Variants in RHPN1 observed in about 807,000 individuals in gnomAD.
RHPN1 encodes the protein rhophilin-1.
RHPN1 carries 77 observed loss-of-function variants against 74.7 expected under a neutral mutation model. The ratio of observed to expected loss-of-function variants is 1.03; its 90% confidence interval spans 0.86 to 1.25. RHPN1 has a LOEUF of 1.25. RHPN1 is among the 50% of genes most tolerant of loss of function. The probability of loss-of-function intolerance (pLI) is 0.00; values close to 1 mark genes in which losing one functional copy is unlikely to be tolerated. For synonymous variants in RHPN1, 444 were observed against 414.5 expected (o/e 1.07, Z -0.87); for missense variants, 987 against 932.2 (o/e 1.06, Z -0.77).
At chr8:143,379,631 G>T in intron 8 of RHPN1, 123 bp downstream of exon 8, 1 of 1,448,400 alleles carries the variant, frequency 6.9e-7, no homozygotes, top group Non-Finnish European at 9.1e-7. Context: ...GCCAGCTGTT[G>T]TCCTGCTCCC....
intron 1 of RHPN1, among the ~76,000 whole-genome samples, chr8:143,373,810 C>T (rs1267875312): frequency 6.6e-6 from 1 of 152,040 alleles, no homozygotes; most frequent in African/African-American, 2.4e-5. Context: ...TCAAATTCCC[C>T]ACCTCGTATA....
At position 143,369,110 on chromosome 8, in the gene RHPN1, C is replaced by G. The variant is rs567574504; in HGVS notation, c.60+63C>G. On this transcript the variant is annotated intron_variant, in intron 1 of 14. Coordinates refer to ENST00000289013, the MANE Select transcript of RHPN1 (RefSeq NM_052924.3). ...GGAATCCCGGCCTTTTCCTGCCCCC[C>G]CTCGAGGCGCGTTCCGGGCGCCCCC... 3.9e-4 allele frequency: 512 copies of G among 1,305,730 alleles called. 3 individuals carry two copies. The African/African-American group carries it at 6.8e-3, about 17-fold the overall frequency. The allele number at this position is 1,305,730 out of a possible 1,614,324, so 80.9% of individuals were successfully genotyped here. A position where few individuals can be genotyped will look rare whatever the true frequency, so the allele number is the denominator to read the frequency against.
rs1439360637 is a variant in RHPN1 at position 143,382,887 on chromosome 8, G to A, written c.*236G>A. The stretch of plus-strand genomic sequence containing the variant: ...CAGTCCCTCTGTCGGTCTGAGGTCA[G>A]CTTCCTGGGGCTGCCCCACCCTGAG... On this transcript the variant is annotated 3_prime_UTR_variant, in exon 15 of 15. Coordinates refer to ENST00000289013, the MANE Select transcript of RHPN1 (RefSeq NM_052924.3). 2 of 561,384 alleles carry A rather than the reference G, an allele frequency of 3.6e-6. No homozygotes were observed. The highest frequency in any genetic ancestry group is 3.1e-5 in the Admixed American group (1 of 32,126). 34.8% of individuals were successfully genotyped at this position (561,384 alleles called of 1,614,324 possible).
chr8:143,364,854 C>T (rs1401330953), upstream of RHPN1, among the ~76,000 whole-genome samples: 3 of 152,192 alleles, frequency 2.0e-5, no homozygotes, highest in Non-Finnish European at 4.4e-5. The surrounding 1 kb of genome is among the most constrained non-coding windows in gnomAD (Gnocchi z 4.5). Flanking sequence ...CCTCCTGTTG[C>T]CTCCACAGAT....
At position 143,368,947 on chromosome 8, in the gene RHPN1, C is replaced by A. The variant is rs1817649199; in HGVS notation, c.-41C>A. The A allele has an allele frequency of 7.0e-7, 1 of 1,424,110 alleles. No individual in the cohort carries two copies. Among genetic ancestry groups the A allele is most frequent in the Non-Finnish European group, 9.2e-7 (1 of 1,091,224 alleles). The allele number at this position is 1,424,110 out of a possible 1,614,324, so 88.2% of individuals were successfully genotyped here. On this transcript the variant is annotated 5_prime_UTR_variant, in exon 1 of 15. In the 5' UTR this introduces an upstream ATG that the reference lacks. Transcript: ENST00000289013. ...TGCGGAGCGCTGCGCGAGCGGCGGG[C>A]TGGCTGACCCCGAGGGACCCCCAGC...
chr8:143,381,185 A>G (rs1249457160), intron 11 of RHPN1, 83 bp from the exon 12 acceptor site: 5 of 1,197,818 alleles, frequency 4.2e-6, no homozygotes, highest in African/African-American at 1.5e-5. Context: ...GTGTGCACTC[A>G]GGGTCATGCC....
intron 5 of RHPN1, 112 bp from the exon 6 acceptor site, chr8:143,378,584 C>T (rs370620401): frequency 7.1e-7 from 1 of 1,398,622 alleles, no homozygotes. Context: ...CAGGGCCCCA[C>T]TGGCTTTGCC....
chr8:143,375,133 G>A (rs1299236430), intron 1 of RHPN1, among the ~76,000 whole-genome samples: 1 of 152,198 alleles, frequency 6.6e-6, no homozygotes, highest in Non-Finnish European at 1.5e-5. Context: ...GAAAAAAATT[G>A]GGAGGGGCAA....
At chr8:143,377,292 G>C in intron 3 of RHPN1, 88 bp from the exon 4 acceptor site, 1 of 1,025,474 alleles carries the variant, frequency 9.8e-7, no homozygotes, top group Non-Finnish European at 1.5e-6. Context: ...GAGGCACCCT[G>C]TGCCACAGAG....
chr8:143,378,279 C>A lies in RHPN1; in HGVS notation c.392C>A (p.Ser131Ter). 1 of 1,573,506 alleles carries A rather than the reference C, an allele frequency of 6.4e-7. No individual in the cohort carries two copies. The highest frequency in any genetic ancestry group is 2.4e-5 in the East Asian group (1 of 42,428). ...CCTGCCCCCCATCAGGAGCTGATCTCAGTGCACTTTGGAGAGGACGGCGCC... is the reference window on the plus strand; with the variant it reads ...CCTGCCCCCCATCAGGAGCTGATCTAAGTGCACTTTGGAGAGGACGGCGCC... ...DWSTPLKELI[S>*]VHFGEDGASY... Residue 131 changes from serine (S) to a stop codon, truncating the protein, a stop_gained, in exon 5 of 15, where the codon TCA becomes TAA. Transcript: ENST00000289013. LOFTEE classifies it high-confidence loss of function.
intron 1 of RHPN1, among the ~76,000 whole-genome samples, chr8:143,370,290 C>T (rs1039372547): frequency 4.6e-5 from 7 of 152,212 alleles, no homozygotes; most frequent in African/African-American, 7.2e-5. Flanking sequence ...TCTCTCACAG[C>T]GTCCAGAAAT....
In RHPN1 at chr8:143,381,669, G is replaced by T. The variant is rs773160232; in HGVS notation, c.1586G>T (p.Gly529Val). 3.3e-5 allele frequency: 53 copies of T among 1,611,634 alleles called. No individual in the cohort carries two copies. Among genetic ancestry groups the T allele is most frequent in the Non-Finnish European group, 4.2e-5 (49 of 1,179,538 alleles). ...GEGGFGLTLR[G>V]DSPVLIAAVI... The stretch of plus-strand genomic sequence containing the variant: ...GGCGGCTTTGGCCTCACGCTTCGGG[G>T]AGACTCGCCTGTCCTCATCGCTGCC... The change falls in exon 13 of 15, where the codon GGA (glycine) becomes GTA (valine). Residue 529 changes from glycine (G) to valine (V), a missense_variant. By Grantham distance (109) the Gly-to-Val change is moderately radical. Transcript: ENST00000289013.
intron 2 of RHPN1, 119 bp from the exon 3 acceptor site, chr8:143,376,406 C>T (rs1195132055): frequency 1.0e-5 from 15 of 1,432,254 alleles, no homozygotes; most frequent in Non-Finnish European, 1.2e-5. Context: ...CTGTCAGCGA[C>T]GTCCTCTGCA....
chr8:143,365,138 C>T (rs1277280038), upstream of RHPN1, among the ~76,000 whole-genome samples: 1 of 152,170 alleles, frequency 6.6e-6, no homozygotes, highest in Admixed American at 6.5e-5. Context: ...AAGCCCACCT[C>T]TTCCACTCCA....
intron 1 of RHPN1, chr8:143,374,011 T>G: frequency 3.1e-5 from 16 of 512,216 alleles, no homozygotes; most frequent in Non-Finnish European, 4.0e-5. Context: ...GCTGCTGTGA[T>G]TTTGGGGGGC....
chr8:143,375,437 C>T lies in RHPN1; in HGVS notation c.61-116C>T, dbSNP rs1818147330. ...TGTGAGGCCAGCTCCAGCCCCAGCGCATGGTGACCATCCCGTTACCCATGG... is the reference window on the plus strand; with the variant it reads ...TGTGAGGCCAGCTCCAGCCCCAGCGTATGGTGACCATCCCGTTACCCATGG... On this transcript the variant is annotated intron_variant, in intron 1 of 14. Transcript: ENST00000289013. The T allele has an allele frequency of 4.6e-6, 3 of 652,668 alleles. No individual in the cohort carries two copies. The East Asian group carries it at 8.7e-5, about 19-fold the overall frequency. 40.4% of individuals were successfully genotyped at this position (652,668 alleles called of 1,614,324 possible).
In RHPN1 at chr8:143,381,706, G is replaced by A; in HGVS notation, c.1623G>A (p.Gly541=). The change falls in exon 13 of 15, where the codon GGG becomes GGA. Residue 541 remains glycine, a synonymous_variant. Transcript: ENST00000289013. ...SPVLIAAVIP[G]SQAAAAGLKE... is the part of the protein sequence containing the mutation. ...TCCTCATCGCTGCCGTCATTCCAGGGAGCCAGGCCGCGGTAAGGGCCCCGC... is the reference window on the plus strand; with the variant it reads ...TCCTCATCGCTGCCGTCATTCCAGGAAGCCAGGCCGCGGTAAGGGCCCCGC... 3 of 1,610,732 alleles carry A rather than the reference G, an allele frequency of 1.9e-6. No homozygotes were observed. The highest frequency in any genetic ancestry group is 8.5e-7 in the Non-Finnish European group (1 of 1,179,068).
chr8:143,381,695 G>C lies in RHPN1; in HGVS notation c.1612G>C (p.Val538Leu). 2 of 1,611,186 alleles carry C rather than the reference G, an allele frequency of 1.2e-6. No homozygotes were observed. Among genetic ancestry groups the C allele is most frequent in the Non-Finnish European group, 1.7e-6 (2 of 1,179,292 alleles). Reference protein sequence around the residue: ...RGDSPVLIAAVIPGSQAAAAG... With the variant: ...RGDSPVLIAALIPGSQAAAAG... ...AGACTCGCCTGTCCTCATCGCTGCC[G>C]TCATTCCAGGGAGCCAGGCCGCGGT... The change falls in exon 13 of 15, where the codon GTC becomes CTC. Residue 538 changes from valine to leucine, a missense_variant. Coordinates refer to ENST00000289013, the MANE Select transcript of RHPN1 (RefSeq NM_052924.3).
intron 10 of RHPN1, 31 bp downstream of exon 10, chr8:143,380,206 GC>G: frequency 2.1e-6 from 3 of 1,427,206 alleles, no homozygotes; most frequent in Non-Finnish European, 2.8e-6. Flanking sequence ...GTGCCCTGGG[GC>G]TCAGATGGTC....
Sources: allele counts gnomAD v4.1 joint callset (sites outside exome capture counted in the v4.1 genomes callset), GRCh38; gene constraint gnomAD v4.1.1; non-coding constraint Gnocchi (gnomAD v3.1); transcripts MANE v1.5; gene names NCBI Gene and HGNC (gene_info 2026-07-23, HGNC 2026-07-21).